KDM4C: variants seen among roughly 807,000 people sequenced by gnomAD.
KDM4C encodes lysine demethylase 4C, also known as lysine-specific demethylase 4C.
In KDM4C, 81 loss-of-function variants were observed where a neutral mutation model predicts 129.3. The observed-to-expected ratio is 0.63, with a 90% CI of 0.52 to 0.75. The LOEUF (loss-of-function observed/expected upper bound fraction) is 0.75, where lower values mean the gene tolerates loss of function less well. KDM4C is among the 30% of genes least tolerant of loss of function. KDM4C has a pLI of 0.00. For missense variants in KDM4C, 1,457 were observed against 1,304.0 expected (o/e 1.12, Z -1.81); for synonymous variants, 573 against 456.1 (o/e 1.26, Z -3.26).
chr9:6,974,041 G>A (rs947292463), intron 8 of KDM4C, among the ~76,000 whole-genome samples: 3 of 152,098 alleles, frequency 2.0e-5, no homozygotes, highest in Non-Finnish European at 4.4e-5. Flanking sequence ...GAGGCTGGTG[G>A]GCAGGATACT....
chr9:7,065,063 C>G (rs955354598), intron 17 of KDM4C, among the ~76,000 whole-genome samples: 2 of 152,172 alleles, frequency 1.3e-5, no homozygotes, highest in African/African-American at 2.4e-5. Context: ...TCAATCAAAA[C>G]ATAATCTAAC....
Position 6,984,164 on chromosome 9 carries a change from A to G in KDM4C, c.1116-2A>G, listed in dbSNP as rs1019632727. 1 of 1,605,476 alleles carries G rather than the reference A, an allele frequency of 6.2e-7. No individual in the cohort carries two copies. The highest frequency in any genetic ancestry group is 1.1e-5 in the South Asian group (1 of 90,714). On this transcript the variant is annotated splice_acceptor_variant, in intron 9 of 21. Transcript: ENST00000381309. LOFTEE classifies it high-confidence loss of function. ...TCTGACCACTGCTTCTCTTGTTGACAGCTTCCAGTGTGCTAGGTCTACCTC... is the reference window on the plus strand; with the variant it reads ...TCTGACCACTGCTTCTCTTGTTGACGGCTTCCAGTGTGCTAGGTCTACCTC...
chr9:6,751,301 C>G (rs1430101041), intron 1 of KDM4C, among the ~76,000 whole-genome samples: 1 of 152,074 alleles, frequency 6.6e-6, no homozygotes, highest in African/African-American at 2.4e-5. Context: ...CAAAAATTAG[C>G]CAGGCATGGT....
chr9:6,860,453 T>G (rs541388760), intron 5 of KDM4C, among the ~76,000 whole-genome samples: 1 of 152,304 alleles, frequency 6.6e-6, no homozygotes, highest in South Asian at 2.1e-4. Context: ...TAGTCAGTCC[T>G]TGTCAGGAGT....
chr9:7,080,557 C>G (rs1834411004), intron 17 of KDM4C, among the ~76,000 whole-genome samples: 1 of 152,126 alleles, frequency 6.6e-6, no homozygotes, highest in African/African-American at 2.4e-5. Context: ...AAAAGGAATT[C>G]AGACTTTTTC....
At chr9:6,916,926 A>G (rs1406878174) in intron 8 of KDM4C, among the ~76,000 whole-genome samples, 3 of 152,176 alleles carry the variant, frequency 2.0e-5, no homozygotes, top group Non-Finnish European at 4.4e-5. Context: ...GAAACATCCC[A>G]GTTTCATTAA....
At chr9:6,819,074 T>C (rs1037321397) in intron 4 of KDM4C, 7 of 151,650 alleles carry the variant, frequency 4.6e-5, no homozygotes, top group African/African-American at 1.2e-4. Flanking sequence ...TAAAACTCAA[T>C]CTTAAGTTTT....
chr9:7,052,613 C>A (rs942666267), intron 17 of KDM4C, among the ~76,000 whole-genome samples: 3 of 152,078 alleles, frequency 2.0e-5, no homozygotes, highest in Admixed American at 6.6e-5. Flanking sequence ...ATTGTAGAGC[C>A]CAGCAGTACT....
At chr9:6,798,480 G>T (rs1035342271) in intron 2 of KDM4C, among the ~76,000 whole-genome samples, 11 of 151,916 alleles carry the variant, frequency 7.2e-5, no homozygotes, top group African/African-American at 2.4e-4. Flanking sequence ...GTTTAACAAA[G>T]CACATCTTGC....
chr9:6,955,153 G>A (rs1160901287), intron 8 of KDM4C, among the ~76,000 whole-genome samples: 1 of 152,184 alleles, frequency 6.6e-6, no homozygotes, highest in East Asian at 1.9e-4. Flanking sequence ...CCAGACTAGA[G>A]CCAAGATCTG....
intron 8 of KDM4C, among the ~76,000 whole-genome samples, chr9:6,895,548 G>A (rs1816274486): frequency 6.6e-6 from 1 of 152,142 alleles, no homozygotes. Flanking sequence ...TGTTGGGGGT[G>A]CAGGAGGGGA....
At chr9:7,011,554 T>C in intron 12 of KDM4C, 144 bp from the exon 13 acceptor site, 1 of 704,016 alleles carries the variant, frequency 1.4e-6, no homozygotes, top group Non-Finnish European at 2.4e-6. Flanking sequence ...CCTGGCTCTC[T>C]CAGGATGTAT....
At chr9:6,960,534 C>T (rs1230840791) in intron 8 of KDM4C, among the ~76,000 whole-genome samples, 1 of 152,080 alleles carries the variant, frequency 6.6e-6, no homozygotes, top group Non-Finnish European at 1.5e-5. Context: ...GCTGGAATTA[C>T]AGGCATGAGT....
intron 6 of KDM4C, among the ~76,000 whole-genome samples, chr9:6,883,490 A>T (rs926229000): frequency 6.6e-6 from 1 of 152,242 alleles, no homozygotes; most frequent in African/African-American, 2.4e-5. Flanking sequence ...TAATTTCTTA[A>T]CAATTTGATG....
intron 1 of KDM4C, among the ~76,000 whole-genome samples, chr9:6,729,031 C>A (rs1244196439): frequency 6.6e-6 from 1 of 150,990 alleles, no homozygotes; most frequent in Non-Finnish European, 1.5e-5. Flanking sequence ...TGGTGAAACC[C>A]CACCTCTACT....
At chr9:7,064,930 A>G (rs189571026) in intron 17 of KDM4C, among the ~76,000 whole-genome samples, 43 of 152,322 alleles carry the variant, frequency 2.8e-4, no homozygotes, top group African/African-American at 8.9e-4. Flanking sequence ...AAGTGAGACG[A>G]CGTAAGTTCT....
At chr9:6,917,344 G>T (rs527265388) in intron 8 of KDM4C, among the ~76,000 whole-genome samples, 1 of 152,162 alleles carries the variant, frequency 6.6e-6, no homozygotes, top group Non-Finnish European at 1.5e-5. Flanking sequence ...CCCCAGTAGG[G>T]TTTAAAATCC....
chr9:6,877,196 A>C (rs561000175), intron 5 of KDM4C, among the ~76,000 whole-genome samples: 15 of 152,136 alleles, frequency 9.9e-5, no homozygotes, highest in Non-Finnish European at 2.1e-4. Flanking sequence ...AAGGCTTAGA[A>C]AGTGCTAAGC....
intron 17 of KDM4C, among the ~76,000 whole-genome samples, chr9:7,095,339 A>T (rs1036730308): frequency 6.6e-6 from 1 of 152,250 alleles, no homozygotes; most frequent in Non-Finnish European, 1.5e-5. Context: ...TGTACTGCCC[A>T]AGAACAAATC....
Sources: allele counts gnomAD v4.1 joint callset (sites outside exome capture counted in the v4.1 genomes callset), GRCh38; gene constraint gnomAD v4.1.1; transcripts MANE v1.5; gene names NCBI Gene and HGNC (gene_info 2026-07-23, HGNC 2026-07-21).